DENND1A: variants seen among roughly 807,000 people sequenced by gnomAD.
DENND1A encodes DENN domain-containing protein 1A.
A neutral mutation model predicts 113.7 loss-of-function variants in DENND1A; 51 were observed. That is an observed-to-expected ratio of 0.45 (90% CI 0.36 to 0.57). The LOEUF (loss-of-function observed/expected upper bound fraction) is 0.57. Among genes scored for constraint, DENND1A ranks in the 20% least tolerant of loss-of-function variants. DENND1A has a pLI of 0.00. For missense variants in DENND1A, 1,258 were observed against 1,395.9 expected (o/e 0.90, Z 1.57); for synonymous variants, 565 against 570.8 (o/e 0.99, Z 0.14).
intron 7 of DENND1A, among the ~76,000 whole-genome samples, chr9:123,670,297 G>A (rs887793772): frequency 6.6e-6 from 1 of 152,168 alleles, no homozygotes; most frequent in Non-Finnish European, 1.5e-5. Flanking sequence ...CAGGCCCCAT[G>A]ACATAAGGGA....
chr9:123,414,237 G>A (rs757935132), intron 19 of DENND1A: 40 of 1,230,356 alleles, frequency 3.3e-5, no homozygotes, highest in Middle Eastern at 3.2e-4. Flanking sequence ...CTGCCTACCC[G>A]AGTGTCCTGT....
At chr9:123,547,747 G>T (rs2056795394) in intron 13 of DENND1A, among the ~76,000 whole-genome samples, 1 of 152,100 alleles carries the variant, frequency 6.6e-6, no homozygotes, top group African/African-American at 2.4e-5. Flanking sequence ...TCAAAAGAAA[G>T]AATTAAATGG....
chr9:123,810,225 T>C (rs117459446), intron 2 of DENND1A, among the ~76,000 whole-genome samples: 2,940 of 152,236 alleles, frequency 0.019, 38 homozygotes, highest in South Asian at 0.037. Context: ...TTTGGCCTCA[T>C]GGTGTTGGCC....
chr9:123,703,433 C>A (rs76363303), intron 5 of DENND1A, among the ~76,000 whole-genome samples: 16,280 of 152,068 alleles, frequency 0.11, 941 homozygotes, highest in Admixed American at 0.13. Flanking sequence ...CTTAAAATAA[C>A]CTGTTATAGT....
At chr9:123,438,162 C>T (rs1304076352) in intron 19 of DENND1A, among the ~76,000 whole-genome samples, 1 of 152,150 alleles carries the variant, frequency 6.6e-6, no homozygotes, top group Non-Finnish European at 1.5e-5. Flanking sequence ...GTAGTAGGTG[C>T]TCTAGAAACC....
At chr9:123,666,292 A>G (rs951503623) in intron 8 of DENND1A, among the ~76,000 whole-genome samples, 9 of 152,234 alleles carry the variant, frequency 5.9e-5, no homozygotes, top group African/African-American at 2.2e-4. Context: ...TACTATTTAT[A>G]ATCATAGTAA....
At position 123,661,535 on chromosome 9, in the gene DENND1A, T is replaced by C. The variant is rs1170660187; in HGVS notation, c.507+5491A>G. Among the ~76,000 whole-genome samples, 4 of 152,332 alleles carry C rather than the reference T, an allele frequency of 2.6e-5. No individual in the cohort carries two copies. The East Asian group carries it at 7.7e-4, about 29-fold the overall frequency. On this transcript the variant is annotated intron_variant, in intron 8 of 23. Transcript: ENST00000394215. ...CCAAAGAAAAAGATTCTGATACTGATATTTGAGAGGCCACTGCCCCCAAAA... is the reference window on the plus strand; with the variant it reads ...CCAAAGAAAAAGATTCTGATACTGACATTTGAGAGGCCACTGCCCCCAAAA...
chr9:123,658,165 T>A (rs2063057973), intron 8 of DENND1A, among the ~76,000 whole-genome samples: 1 of 152,230 alleles, frequency 6.6e-6, no homozygotes, highest in Admixed American at 6.5e-5. Context: ...CTGTCCATTC[T>A]AACTGCTTTC....
chr9:123,716,832 C>T (rs559895720), intron 5 of DENND1A, among the ~76,000 whole-genome samples: 48 of 152,242 alleles, frequency 3.2e-4, no homozygotes, highest in African/African-American at 9.6e-4. Context: ...ACATGCTTGA[C>T]GGGGCAGAGG....
At chr9:123,864,606 G>T (rs1051533910) in intron 2 of DENND1A, among the ~76,000 whole-genome samples, 5 of 152,110 alleles carry the variant, frequency 3.3e-5, no homozygotes, top group African/African-American at 1.2e-4. Flanking sequence ...TCCTAAGCAC[G>T]TCTGCTCATA....
intron 4 of DENND1A, among the ~76,000 whole-genome samples, chr9:123,758,882 C>T (rs1228771705): frequency 6.6e-6 from 1 of 152,124 alleles, no homozygotes; most frequent in Non-Finnish European, 1.5e-5. Flanking sequence ...CTCACTGCAA[C>T]CTCCACCTCC....
chr9:123,402,263 C>T (rs959424925), intron 21 of DENND1A, among the ~76,000 whole-genome samples: 27 of 151,876 alleles, frequency 1.8e-4, no homozygotes, highest in African/African-American at 5.6e-4. Context: ...CACACACACA[C>T]GCACGCACAC....
chr9:123,517,273 A>C (rs1262331141), intron 13 of DENND1A, among the ~76,000 whole-genome samples: 1 of 148,950 alleles, frequency 6.7e-6, no homozygotes, highest in Non-Finnish European at 1.5e-5. Flanking sequence ...AAAACAAAAA[A>C]CCCACAAAAC....
intron 1 of DENND1A, among the ~76,000 whole-genome samples, chr9:123,893,404 C>A (rs1850223579): frequency 6.6e-6 from 1 of 152,150 alleles, no homozygotes; most frequent in East Asian, 1.9e-4. Flanking sequence ...GTTAAAAGAC[C>A]GTCATTAGCA....
chr9:123,908,769 C>G (rs1853394706), intron 1 of DENND1A, among the ~76,000 whole-genome samples: 1 of 152,022 alleles, frequency 6.6e-6, no homozygotes, highest in Admixed American at 6.5e-5. Context: ...ACTAGTTCAA[C>G]CATTGTGGAA....
chr9:123,892,395 G>C (rs561634315), intron 1 of DENND1A, among the ~76,000 whole-genome samples: 1 of 152,058 alleles, frequency 6.6e-6, no homozygotes, highest in African/African-American at 2.4e-5. Context: ...AGCAAGACTC[G>C]GAAGGAGCAC....
At chr9:123,924,766 G>A (rs946232104) in intron 1 of DENND1A, among the ~76,000 whole-genome samples, 1 of 152,008 alleles carries the variant, frequency 6.6e-6, no homozygotes, top group Non-Finnish European at 1.5e-5. Context: ...AACCTACAAG[G>A]CCCTGTCCAG....
chr9:123,525,306 C>A (rs113879741), intron 13 of DENND1A, among the ~76,000 whole-genome samples: 12 of 152,280 alleles, frequency 7.9e-5, no homozygotes, highest in African/African-American at 2.9e-4. Context: ...TAGATTCTGG[C>A]CTGCTCGGTT....
intron 13 of DENND1A, among the ~76,000 whole-genome samples, chr9:123,552,039 C>CAGAGAGAGAGAGAG (rs58452320): frequency 0.012 from 1,486 of 128,332 alleles, 26 homozygotes; most frequent in African/African-American, 0.031. Context: ...GAGAGAGAGA[C>CAGAGAGAGAGAGAG]AGAGAGAGAG....
Sources: allele counts gnomAD v4.1 joint callset (sites outside exome capture counted in the v4.1 genomes callset), GRCh38; gene constraint gnomAD v4.1.1; transcripts MANE v1.5; gene names NCBI Gene and HGNC (gene_info 2026-07-23, HGNC 2026-07-21).